RBM19: variants seen among roughly 807,000 people sequenced by gnomAD.
The protein encoded by RBM19 is RNA binding motif protein 19, also known as probable RNA-binding protein 19.
Under a neutral mutation model 116.8 loss-of-function variants are expected in RBM19, and 94 were observed. That is an observed-to-expected ratio of 0.80 (90% CI 0.68 to 0.95). RBM19 has a LOEUF of 0.95. Ranked by LOEUF, RBM19 falls within the 40% of genes least tolerant of loss-of-function variation. The pLI is 0.00. For missense variants in RBM19, 1,161 were observed against 1,220.7 expected, an observed-to-expected ratio of 0.95 and a Z score of 0.73; for synonymous variants, 475 against 494.1, an observed-to-expected ratio of 0.96 and a Z score of 0.51.
rs141426288 is a variant in RBM19, at chr12:113,824,556, C to G, written c.2786-1235G>C. Among the ~76,000 whole-genome samples the G allele has an allele frequency of 7.2e-5, 11 of 152,152 alleles. No individual in the cohort carries two copies. In the East Asian group the frequency reaches 2.1e-3, roughly 30 times the overall value. On this transcript the variant is annotated intron_variant, in intron 23 of 23. Transcript: ENST00000261741. Reference sequence around the variant, plus strand: ...CCCCTCCCTTTCCATGGCTCAAACACCTCCCCAAATAAACCACCCTGAGGC... The same window carrying G: ...CCCCTCCCTTTCCATGGCTCAAACAGCTCCCCAAATAAACCACCCTGAGGC...
intron 21 of RBM19, among the ~76,000 whole-genome samples, chr12:113,863,211 CTGTGTGTGTGTG>C (rs3065431): frequency 3.4e-5 from 5 of 148,412 alleles, no homozygotes; most frequent in East Asian, 2.0e-4. Flanking sequence ...ATACGTGTGT[CTGTGTGTGTGTG>C]TGTGTGTGTG....
At chr12:113,875,067 A>T (rs960481046) in intron 21 of RBM19, among the ~76,000 whole-genome samples, 4 of 152,260 alleles carry the variant, frequency 2.6e-5, no homozygotes, top group Non-Finnish European at 5.9e-5. Flanking sequence ...ACACCTCTGC[A>T]GAAGATGCAA....
chr12:113,940,803 T>C (rs1683169868), intron 14 of RBM19, among the ~76,000 whole-genome samples: 1 of 152,238 alleles, frequency 6.6e-6, no homozygotes, highest in African/African-American at 2.4e-5. Flanking sequence ...AATCTGCTTC[T>C]GGGAGAACCA....
At chr12:113,961,948 C>T (rs1156941898) in intron 2 of RBM19, among the ~76,000 whole-genome samples, 1 of 152,210 alleles carries the variant, frequency 6.6e-6, no homozygotes, top group African/African-American at 2.4e-5. Context: ...AGGTGTGGGC[C>T]TCAGACCAGC....
At position 113,920,824 on chromosome 12, in the gene RBM19, T is replaced by A. The variant is rs1348890525; in HGVS notation, c.2306-134A>T. 3.9e-6 allele frequency: 3 copies of A among 775,990 alleles called. No homozygotes were observed. In the African/African-American group the frequency reaches 5.2e-5, roughly 14 times the overall value. The allele number at this position is 775,990 out of a possible 1,614,324, so 48.1% of individuals were successfully genotyped here. ...ATACCCCCTTCATTCCCCCCAAAAA[T>A]CTCAGCACCTGGCTTGCTGTTTATC... On this transcript the variant is annotated intron_variant, in intron 18 of 23. Coordinates refer to ENST00000261741, the MANE Select transcript of RBM19 (RefSeq NM_016196.4).
At chr12:113,918,155 C>T (rs1168973761) in intron 20 of RBM19, among the ~76,000 whole-genome samples, 1 of 152,122 alleles carries the variant, frequency 6.6e-6, no homozygotes, top group Non-Finnish European at 1.5e-5. Flanking sequence ...AAAAAAAAGC[C>T]CCTGTGCATT....
intron 16 of RBM19, among the ~76,000 whole-genome samples, chr12:113,933,693 C>T (rs1252147846): frequency 1.3e-5 from 2 of 152,158 alleles, no homozygotes; most frequent in South Asian, 2.1e-4. Context: ...ACACTCTGAC[C>T]GTAAACCACA....
At chr12:113,883,225 AG>A (rs1880278139) in intron 21 of RBM19, among the ~76,000 whole-genome samples, 1 of 152,262 alleles carries the variant, frequency 6.6e-6, no homozygotes, top group Non-Finnish European at 1.5e-5. Context: ...TGACAGTGAC[AG>A]TAGGAAATGG....
intron 22 of RBM19, among the ~76,000 whole-genome samples, chr12:113,857,298 G>A (rs568919298): frequency 1.3e-5 from 2 of 152,372 alleles, no homozygotes; most frequent in African/African-American, 2.4e-5. Context: ...AGAAGGAAAC[G>A]GTGTACTGGT....
chr12:113,918,449 T>A lies in RBM19; in HGVS notation c.2386-2A>T, dbSNP rs1882914200. 1 of 1,614,008 alleles carries A rather than the reference T, an allele frequency of 6.2e-7. No homozygotes were observed. The highest frequency in any genetic ancestry group is 1.1e-5 in the South Asian group (1 of 91,078). On this transcript the variant is annotated splice_acceptor_variant, in intron 19 of 23. Transcript: ENST00000261741. LOFTEE classifies it high-confidence loss of function. ...CTTGTGGCCGTCCACGACGTGACCCTAAGAGAGAAGACAACATGGCTCATC... is the reference window on the plus strand; with the variant it reads ...CTTGTGGCCGTCCACGACGTGACCCAAAGAGAGAAGACAACATGGCTCATC...
intron 13 of RBM19, among the ~76,000 whole-genome samples, chr12:113,943,438 T>C (rs1013958593): frequency 1.3e-5 from 2 of 152,080 alleles, no homozygotes; most frequent in African/African-American, 4.8e-5. Context: ...CAAAGTGCTC[T>C]CCGTGGAAAA....
At chr12:113,875,216 C>G (rs1174152547) in intron 21 of RBM19, among the ~76,000 whole-genome samples, 2 of 152,208 alleles carry the variant, frequency 1.3e-5, no homozygotes, top group East Asian at 1.9e-4. Flanking sequence ...AACGAATCAC[C>G]CTGCTGGGAC....
At chr12:113,828,088 C>T (rs1051621474) in intron 23 of RBM19, among the ~76,000 whole-genome samples, 2 of 136,628 alleles carry the variant, frequency 1.5e-5, no homozygotes, top group African/African-American at 2.8e-5. Flanking sequence ...CAGCAGCTCT[C>T]GACTCTGTCT....
chr12:113,823,013 C>A lies in RBM19; in HGVS notation c.*211G>T, dbSNP rs1017083659. ...TGCGCAGTCAGTGTCTGCTAGAACG[C>A]GTCACTGGTGAAACCCAGGATGCCT... On this transcript the variant is annotated 3_prime_UTR_variant, in exon 24 of 24. Transcript: ENST00000261741. 5 of 572,744 alleles carry A rather than the reference C, an allele frequency of 8.7e-6. No individual in the cohort carries two copies. The highest frequency in any genetic ancestry group is 1.6e-5 in the Non-Finnish European group (5 of 319,886). The allele number at this position is 572,744 out of a possible 1,614,324, so 35.5% of individuals were successfully genotyped here.
At chr12:113,859,896 T>A (rs1223363113) in intron 21 of RBM19, among the ~76,000 whole-genome samples, 1 of 152,122 alleles carries the variant, frequency 6.6e-6, no homozygotes, top group Non-Finnish European at 1.5e-5. Context: ...AAAGACTGAT[T>A]GGGTAAAAAA....
At position 113,945,815 on chromosome 12, in the gene RBM19, G is replaced by T; in HGVS notation, c.1626+13C>A. On this transcript the variant is annotated intron_variant, in intron 13 of 23. Transcript: ENST00000261741. ...GCCCAGATCCCAGAGAGGACTGGTC[G>T]GCCCTTACTCACGTGGTCAAACACT... The T allele has an allele frequency of 6.5e-7, 1 of 1,528,266 alleles. No homozygotes were observed. The highest frequency in any genetic ancestry group is 9.1e-7 in the Non-Finnish European group (1 of 1,102,904). 94.7% of individuals were successfully genotyped at this position (1,528,266 alleles called of 1,614,324 possible).
chr12:113,913,737 G>C (rs1566013209), intron 21 of RBM19, among the ~76,000 whole-genome samples: 1 of 152,200 alleles, frequency 6.6e-6, no homozygotes, highest in Non-Finnish European at 1.5e-5. Flanking sequence ...AACTCTAACA[G>C]AGGCTTCACT....
intron 23 of RBM19, among the ~76,000 whole-genome samples, chr12:113,837,382 A>T (rs1375751841): frequency 1.3e-5 from 2 of 152,174 alleles, no homozygotes; most frequent in Non-Finnish European, 2.9e-5. Context: ...GAATGCAAAG[A>T]AAGTGGGAGT....
rs1872353753 is a variant in RBM19, at chr12:113,960,049, C to G, written c.339+10G>C. ...AGTGGGGACAGAGGCTAGAGTGACC[C>G]TTTACATACTTTCTTAATTTCTGGA... On this transcript the variant is annotated intron_variant, in intron 3 of 23. Transcript: ENST00000261741. 2 of 1,614,082 alleles carry G rather than the reference C, an allele frequency of 1.2e-6. No homozygotes were observed. The highest frequency in any genetic ancestry group is 2.7e-5 in the African/African-American group (2 of 74,946).
Sources: gnomAD v4.1 joint callset for allele counts (sites outside exome capture counted in the v4.1 genomes callset) on GRCh38, gnomAD v4.1.1 for gene constraint, MANE v1.5 for transcripts, NCBI Gene and HGNC (gene_info 2026-07-23, HGNC 2026-07-21) for gene names.